Variants in P4HA3 observed in about 807,000 individuals in gnomAD.
P4HA3 encodes prolyl 4-hydroxylase subunit alpha-3.
Under a neutral mutation model 66.7 loss-of-function variants are expected in P4HA3, and 60 were observed. That is an observed-to-expected ratio of 0.90 (90% CI 0.73 to 1.12). The LOEUF is 1.12. P4HA3 is among the 50% of genes most tolerant of loss of function. The pLI is 0.00. For missense variants in P4HA3, 683 were observed against 685.8 expected, an observed-to-expected ratio of 1.00 and a Z score of 0.05; for synonymous variants, 263 against 274.6, an observed-to-expected ratio of 0.96 and a Z score of 0.42.
intron 8 of P4HA3, 93 bp from the exon 9 acceptor site, chr11:74,277,237 T>C (rs1317284044): frequency 8.3e-6 from 12 of 1,443,180 alleles, no homozygotes; most frequent in South Asian, 1.3e-5. Context: ...ATGAATTATG[T>C]TAATTGCCAG....
intron 15 of P4HA3, among the ~76,000 whole-genome samples, chr11:74,256,440 C>T (rs1859832534): frequency 6.6e-6 from 1 of 152,174 alleles, no homozygotes; most frequent in South Asian, 2.1e-4. Flanking sequence ...AAAGCTCAGA[C>T]ATTTGAAATG....
At chr11:74,297,881 T>C (rs1266330290) in intron 4 of P4HA3, among the ~76,000 whole-genome samples, 1 of 152,216 alleles carries the variant, frequency 6.6e-6, no homozygotes, top group African/African-American at 2.4e-5. Flanking sequence ...CATTAACTAT[T>C]TGTGAATAAA....
At chr11:74,267,497 C>G (rs1384990840) in intron 12 of P4HA3, among the ~76,000 whole-genome samples, 179 bp from the exon 13 acceptor site, 1 of 152,222 alleles carries the variant, frequency 6.6e-6, no homozygotes, top group Admixed American at 6.5e-5. Context: ...TTTCTTCCAG[C>G]AGATAAATAG....
chr11:74,290,656 T>C (rs1468582889), intron 4 of P4HA3, among the ~76,000 whole-genome samples: 1 of 152,168 alleles, frequency 6.6e-6, no homozygotes, highest in Non-Finnish European at 1.5e-5. Flanking sequence ...TTCAGCTTTC[T>C]ACATATGGCT....
At chr11:74,274,145 C>A (rs1481068155) in intron 9 of P4HA3, among the ~76,000 whole-genome samples, 1 of 152,092 alleles carries the variant, frequency 6.6e-6, no homozygotes, top group Middle Eastern at 3.2e-3. Flanking sequence ...CTCCTTCATG[C>A]CAGTTAGGAG....
rs1406363924 is a variant in P4HA3, at chr11:74,273,414, A to G, written c.1398+131T>C. 12 of 764,668 alleles carry G rather than the reference A, an allele frequency of 1.6e-5. 1 individual carries two copies. Among genetic ancestry groups the G allele is most frequent in the South Asian group, 7.9e-5 (2 of 25,378 alleles). The allele number at this position is 764,668 out of a possible 1,614,324, so 47.4% of individuals were successfully genotyped here. On this transcript the variant is annotated intron_variant, in intron 10 of 12. Transcript: ENST00000331597. ...AGTGCCTATCAAAAATGCTGTCTGA[A>G]ATTCGCAAAATTCCTGGAGATTTTT...
At chr11:74,277,464 G>T (rs976313329) in intron 8 of P4HA3, among the ~76,000 whole-genome samples, 2 of 152,162 alleles carry the variant, frequency 1.3e-5, no homozygotes, top group African/African-American at 2.4e-5. Flanking sequence ...GGGTACAGTG[G>T]GAAAAGCTTG....
At chr11:74,250,358 C>G (rs1158486258) in intron 15 of P4HA3, 1 of 152,844 alleles carries the variant, frequency 6.5e-6, no homozygotes, top group East Asian at 1.9e-4. Flanking sequence ...TAGTACAATG[C>G]CTGGCACATG....
At chr11:74,278,253 A>G (rs1258739680) in intron 8 of P4HA3, among the ~76,000 whole-genome samples, 1 of 152,246 alleles carries the variant, frequency 6.6e-6, no homozygotes, top group Admixed American at 6.5e-5. Flanking sequence ...CTGAAGAAAC[A>G]GCATAAGCAC....
intron 9 of P4HA3, among the ~76,000 whole-genome samples, chr11:74,273,870 T>C (rs1427263290): frequency 1.3e-5 from 2 of 152,152 alleles, no homozygotes; most frequent in Non-Finnish European, 2.9e-5. Context: ...AAGTACTATA[T>C]GAGGGGTTAA....
Position 74,302,577 on chromosome 11 carries a change from T to C in P4HA3, c.359A>G (p.Tyr120Cys), listed in dbSNP as rs376955385. The C allele has an allele frequency of 8.7e-6, 14 of 1,613,926 alleles. No homozygotes were observed. The African/African-American group carries it at 1.3e-4, about 15-fold the overall frequency. Reference sequence around the variant, plus strand: ...TGGAAGGTCTTGCTCCACCTTCTCATAGCCATCCTTCAGAGCTGTAAAAGT... The same window carrying C: ...TGGAAGGTCTTGCTCCACCTTCTCACAGCCATCCTTCAGAGCTGTAAAAGT... Reference protein sequence around the residue: ...SENIRALKDGYEKVEQDLPAF... With the variant: ...SENIRALKDGCEKVEQDLPAF... The change falls in exon 3 of 13, where the codon TAT becomes TGT. Residue 120 changes from tyrosine (Y) to cysteine (C), a missense_variant. Transcript: ENST00000331597.
intron 15 of P4HA3, among the ~76,000 whole-genome samples, chr11:74,257,126 C>T (rs1475579198): frequency 6.6e-6 from 1 of 152,024 alleles, no homozygotes; most frequent in Non-Finnish European, 1.5e-5. Flanking sequence ...CAAGAGGTAG[C>T]ATTTTTTCTT....
At chr11:74,287,959 T>C (rs1263282044) in intron 5 of P4HA3, among the ~76,000 whole-genome samples, 4 of 152,160 alleles carry the variant, frequency 2.6e-5, no homozygotes. Context: ...GAGGCTATAG[T>C]GAGCCAAGAT....
chr11:74,275,923 T>C (rs1860378451), intron 9 of P4HA3, among the ~76,000 whole-genome samples: 2 of 152,140 alleles, frequency 1.3e-5, no homozygotes, highest in Non-Finnish European at 2.9e-5. Flanking sequence ...GATGGTTGAT[T>C]TGATAAAGAA....
intron 4 of P4HA3, among the ~76,000 whole-genome samples, chr11:74,293,333 T>G (rs1861100062): frequency 1.3e-5 from 2 of 152,218 alleles, no homozygotes; most frequent in South Asian, 4.1e-4. Context: ...TTTGAGCCTA[T>G]GTGTGTCTCT....
intron 4 of P4HA3, among the ~76,000 whole-genome samples, chr11:74,297,887 A>G (rs1861277784): frequency 1.3e-5 from 2 of 152,248 alleles, no homozygotes. Context: ...CTATTTGTGA[A>G]TAAAGCAGCT....
At chr11:74,276,426 G>A (rs1457421513) in intron 9 of P4HA3, among the ~76,000 whole-genome samples, 1 of 151,930 alleles carries the variant, frequency 6.6e-6, no homozygotes, top group Non-Finnish European at 1.5e-5. Flanking sequence ...AATTAGCCAG[G>A]TGTAGTCCTA....
intron 5 of P4HA3, among the ~76,000 whole-genome samples, chr11:74,288,028 C>CAACA (rs1860859464): frequency 6.6e-6 from 1 of 151,710 alleles, no homozygotes; most frequent in African/African-American, 2.4e-5. Context: ...AAAACAAAAC[C>CAACA]AACAAACAAA....
chr11:74,279,524 C>T, intron 7 of P4HA3, 72 bp from the exon 8 acceptor site: 1 of 1,417,300 alleles, frequency 7.1e-7, no homozygotes, highest in Non-Finnish European at 1.0e-6. Flanking sequence ...CTTCCACAGA[C>T]ATATTTCTCT....
Sources: allele counts gnomAD v4.1 joint callset (sites outside exome capture counted in the v4.1 genomes callset), GRCh38; gene constraint gnomAD v4.1.1; transcripts MANE v1.5; gene names NCBI Gene and HGNC (gene_info 2026-07-23, HGNC 2026-07-21).